The following FCN2 variants were observed in gnomAD, a reference collection of about 807,000 sequenced individuals.
FCN2 encodes ficolin-2.
A neutral mutation model predicts 32.5 loss-of-function variants in FCN2; 31 were observed. The ratio of observed to expected loss-of-function variants is 0.96; its 90% CI spans 0.72 to 1.29. The LOEUF is 1.29. Among genes scored for constraint, FCN2 ranks in the 50% most tolerant of loss-of-function variants. The pLI is 0.00. For synonymous variants in FCN2, 181 were observed against 164.5 expected, an observed-to-expected ratio of 1.10 and a Z score of -0.77; for missense variants, 412 against 406.5, an observed-to-expected ratio of 1.01 and a Z score of -0.12.
At chr9:134,881,920 A>G (rs1468087226) in intron 1 of FCN2, among the ~76,000 whole-genome samples, 1 of 152,228 alleles carries the variant, frequency 6.6e-6, no homozygotes, top group Non-Finnish European at 1.5e-5. Flanking sequence ...GCTGCATTCC[A>G]GCTCTAGTTT....
intron 3 of FCN2, 66 bp downstream of exon 3, chr9:134,883,421 G>A (rs553107818): frequency 2.8e-6 from 4 of 1,425,066 alleles, no homozygotes; most frequent in East Asian, 2.3e-5. Context: ...AGAGGAACGT[G>A]AGGCGGGTCT....
At chr9:134,865,780 T>G in the FCN2 span, among the ~76,000 whole-genome samples, 3 of 152,098 alleles carry the variant, frequency 2.0e-5, no homozygotes, top group African/African-American at 4.8e-5. Context: ...TCAAAGCAAC[T>G]TCAGCAAAGT....
chr9:134,881,866 T>G (rs1262193405), intron 1 of FCN2, among the ~76,000 whole-genome samples: 1 of 152,174 alleles, frequency 6.6e-6, no homozygotes, highest in Non-Finnish European at 1.5e-5. Context: ...GTTATTTTTG[T>G]AACACACTCA....
rs571764411 is a variant in FCN2, at chr9:134,884,844, G to A, written c.301+72G>A. The A allele has an allele frequency of 1.4e-5, 19 of 1,354,794 alleles. No homozygotes were observed. In the South Asian group the frequency reaches 1.7e-4, roughly 12 times the overall value. 83.9% of individuals were successfully genotyped at this position (1,354,794 alleles called of 1,614,324 possible). A position where few individuals can be genotyped will look rare whatever the true frequency, so the allele number is the denominator to read the frequency against. ...GGCTGGAAGTCCAGGGTCATACGACGCCATTGCCAGAATGAAGTGACAAAT... is the reference window on the plus strand; with the variant it reads ...GGCTGGAAGTCCAGGGTCATACGACACCATTGCCAGAATGAAGTGACAAAT... On this transcript the variant is annotated intron_variant, in intron 4 of 7. Transcript: ENST00000291744.
the FCN2 span, among the ~76,000 whole-genome samples, chr9:134,874,068 C>T: frequency 3.6e-4 from 55 of 152,068 alleles, no homozygotes; most frequent in East Asian, 9.7e-3. Context: ...GTGTGTGCCA[C>T]CACACGCGGC....
upstream of FCN2, among the ~76,000 whole-genome samples, chr9:134,878,597 C>G (rs958085140): frequency 6.6e-6 from 1 of 152,216 alleles, no homozygotes; most frequent in Non-Finnish European, 1.5e-5. Flanking sequence ...AATCCCAACA[C>G]TTAGGGAGGC....
the FCN2 span, among the ~76,000 whole-genome samples, chr9:134,870,820 G>A: frequency 1.3e-5 from 2 of 152,156 alleles, no homozygotes; most frequent in Non-Finnish European, 2.9e-5. This position sits in a 1 kb window ranked among gnomAD's most constrained non-coding sequence, Gnocchi z 4.3. Flanking sequence ...GTGGGAGGGA[G>A]GTGGGAGGGA....
At chr9:134,867,614 C>A in the FCN2 span, among the ~76,000 whole-genome samples, 1 of 151,044 alleles carries the variant, frequency 6.6e-6, no homozygotes, top group Non-Finnish European at 1.5e-5. Context: ...ACATTGTACC[C>A]ATGTACCCTA....
At chr9:134,875,007 GA>G in the FCN2 span, among the ~76,000 whole-genome samples, 7 of 152,028 alleles carry the variant, frequency 4.6e-5, no homozygotes, top group South Asian at 4.1e-4. Context: ...TTGGTGATTT[GA>G]AAAAAACAAC....
At chr9:134,886,847 G>A (rs566387923) in intron 7 of FCN2, among the ~76,000 whole-genome samples, 12 of 152,266 alleles carry the variant, frequency 7.9e-5, no homozygotes, top group South Asian at 2.1e-4. Context: ...ATATCTCTGC[G>A]GGGCATGGCT....
the FCN2 span, among the ~76,000 whole-genome samples, chr9:134,865,040 T>A: frequency 6.6e-6 from 1 of 152,192 alleles, no homozygotes; most frequent in African/African-American, 2.4e-5. Flanking sequence ...GCAGTGGGCC[T>A]AGTCAGAGCC....
chr9:134,885,883 C>T lies in FCN2; in HGVS notation c.545C>T (p.Ala182Val). Residue 182 changes from alanine (A) to valine (V), a missense_variant, in exon 6 of 8, where the codon GCC (alanine) becomes GTC (valine). Physicochemically the swap from Ala to Val is moderately conservative, Grantham distance 64. Coordinates refer to ENST00000291744, the MANE Select transcript of FCN2 (RefSeq NM_004108.3). The part of the protein sequence containing the change: ...EFWLGNDNIH[A>V]LTAQGTSELR... ...TGGCTGGGGAATGACAACATCCACG[C>T]CCTGACCGCCCAGGGTAGGGCCGCT... 6.2e-7 allele frequency: 1 copy of T among 1,613,264 alleles called. No individual in the cohort carries two copies. Among genetic ancestry groups the T allele is most frequent in the Non-Finnish European group, 8.5e-7 (1 of 1,179,652 alleles).
chr9:134,881,445 G>A (rs758378379), intron 1 of FCN2, among the ~76,000 whole-genome samples: 2 of 152,138 alleles, frequency 1.3e-5, no homozygotes, highest in Admixed American at 6.5e-5. Context: ...GGGTGGCATT[G>A]TCCCCGTGAG....
chr9:134,877,838 T>A (rs183336961), upstream of FCN2, among the ~76,000 whole-genome samples: 191 of 152,252 alleles, frequency 1.3e-3, no homozygotes, highest in African/African-American at 4.2e-3. Flanking sequence ...AAGGGGGATG[T>A]GATGGTTAAT....
chr9:134,876,620 C>A (rs1028124503), upstream of FCN2, among the ~76,000 whole-genome samples: 3 of 152,112 alleles, frequency 2.0e-5, no homozygotes, highest in Non-Finnish European at 4.4e-5. Flanking sequence ...CTCTTGTCAC[C>A]CAGGCTGGAG....
At chr9:134,878,965 A>G (rs1394431608), upstream of FCN2, among the ~76,000 whole-genome samples, 1 of 152,234 alleles carries the variant, frequency 6.6e-6, no homozygotes, top group Non-Finnish European at 1.5e-5. Context: ...TTCTTGGTCC[A>G]TTCCTTAACT....
At chr9:134,877,883 A>G (rs2132991745), upstream of FCN2, among the ~76,000 whole-genome samples, 1 of 152,294 alleles carries the variant, frequency 6.6e-6, no homozygotes, top group East Asian at 1.9e-4. Context: ...GAAGGATGCT[A>G]AGTATTGATC....
upstream of FCN2, among the ~76,000 whole-genome samples, chr9:134,878,337 C>T (rs1030170374): frequency 3.3e-5 from 5 of 152,186 alleles, no homozygotes; most frequent in Admixed American, 2.6e-4. Context: ...CTTGCGGGAA[C>T]TTCTGCCCTT....
rs200699188 is a variant in FCN2, at chr9:134,886,572, T to A, written c.694+8T>A. 3 of 1,613,868 alleles carry A rather than the reference T, an allele frequency of 1.9e-6. No homozygotes were observed. The African/African-American group carries it at 4.0e-5, about 22-fold the overall frequency. ...TCGTGGAGGGCAGTGCGGGTGAGTG[T>A]CTGCTTGGGGCTGTGTGGCCTGGGC... On this transcript the variant is annotated splice_region_variant and intron_variant, in intron 7 of 7. Coordinates refer to ENST00000291744, the MANE Select transcript of FCN2 (RefSeq NM_004108.3).
Sources: allele counts gnomAD v4.1 joint callset (sites outside exome capture counted in the v4.1 genomes callset), GRCh38; gene constraint gnomAD v4.1.1; non-coding constraint Gnocchi (gnomAD v3.1); transcripts MANE v1.5; gene names NCBI Gene and HGNC (gene_info 2026-07-23, HGNC 2026-07-21).